NR6A1: variants seen among roughly 807,000 people sequenced by gnomAD.
NR6A1 encodes nuclear receptor subfamily 6 group A member 1.
NR6A1 carries 7 observed loss-of-function variants against 59.1 expected under a neutral mutation model. The observed-to-expected ratio is 0.12, with a 90% CI of 0.07 to 0.22. The LOEUF (loss-of-function observed/expected upper bound fraction) is 0.22, where lower values mean the gene tolerates loss of function less well. Among genes scored for constraint, NR6A1 ranks in the 10% least tolerant of loss-of-function variants. The pLI is 1.00. For synonymous variants in NR6A1, 243 were observed against 236.1 expected (o/e 1.03, Z -0.27); for missense variants, 468 against 611.6 (o/e 0.77, Z 2.48).
At chr9:124,746,712 A>G (rs1840345914) in intron 1 of NR6A1, among the ~76,000 whole-genome samples, 1 of 152,198 alleles carries the variant, frequency 6.6e-6, no homozygotes, top group Non-Finnish European at 1.5e-5. Context: ...TACAAAAGAT[A>G]CTCTACAAAA....
intron 2 of NR6A1, among the ~76,000 whole-genome samples, chr9:124,589,018 T>C (rs993034241): frequency 2.0e-5 from 3 of 151,652 alleles, no homozygotes; most frequent in African/African-American, 7.3e-5. Flanking sequence ...GGCCAGACTA[T>C]ATCCAGTGAC....
At chr9:124,595,856 G>A (rs181169712) in intron 2 of NR6A1, 45 of 1,282,086 alleles carry the variant, frequency 3.5e-5, no homozygotes, top group East Asian at 5.6e-5. Flanking sequence ...CTACCCTTCC[G>A]ACACTTGGTC....
intron 2 of NR6A1, among the ~76,000 whole-genome samples, chr9:124,596,711 G>T (rs902212330): frequency 6.6e-6 from 1 of 152,132 alleles, no homozygotes; most frequent in Non-Finnish European, 1.5e-5. Flanking sequence ...CCAGCAGCAC[G>T]CAGCAGAGTG....
At chr9:124,742,610 C>T (rs546123179) in intron 1 of NR6A1, among the ~76,000 whole-genome samples, 1 of 152,176 alleles carries the variant, frequency 6.6e-6, no homozygotes, top group East Asian at 1.9e-4. Context: ...GGCACTGTGG[C>T]TCACGCCTGT....
At chr9:124,684,280 A>G (rs1838260103) in intron 2 of NR6A1, among the ~76,000 whole-genome samples, 1 of 152,138 alleles carries the variant, frequency 6.6e-6, no homozygotes, top group Admixed American at 6.6e-5. Context: ...GTGTTCTCTA[A>G]GCTCTAACTC....
chr9:124,592,372 T>C (rs1468606614), intron 2 of NR6A1, among the ~76,000 whole-genome samples: 1 of 152,204 alleles, frequency 6.6e-6, no homozygotes, highest in Non-Finnish European at 1.5e-5. Flanking sequence ...TATTTGTATG[T>C]CCATGGAAAA....
At chr9:124,601,583 C>CAAA (rs11346749) in intron 2 of NR6A1, among the ~76,000 whole-genome samples, 50 of 89,998 alleles carry the variant, frequency 5.6e-4, no homozygotes, top group African/African-American at 1.9e-3. Context: ...GACTCTGTGT[C>CAAA]AAAAAAAAAA....
intron 8 of NR6A1, 59 bp from the exon 9 acceptor site, chr9:124,524,932 T>C (rs1832891890): frequency 6.6e-7 from 1 of 1,521,824 alleles, no homozygotes; most frequent in African/African-American, 1.4e-5. Context: ...CATTCTAATG[T>C]GGAAGAAACA....
chr9:124,709,949 A>G (rs1008218521), intron 2 of NR6A1, among the ~76,000 whole-genome samples: 1 of 151,568 alleles, frequency 6.6e-6, no homozygotes, highest in African/African-American at 2.4e-5. Context: ...CCATCTCGAA[A>G]AAAAAAAAAA....
intron 2 of NR6A1, among the ~76,000 whole-genome samples, chr9:124,630,803 C>T (rs1030048606): frequency 7.3e-5 from 11 of 151,632 alleles, no homozygotes; most frequent in East Asian, 1.9e-4. Flanking sequence ...CTCAGCCTCC[C>T]GAGTGGCTGG....
chr9:124,556,206 G>A (rs985988955), intron 2 of NR6A1, among the ~76,000 whole-genome samples: 4 of 152,160 alleles, frequency 2.6e-5, no homozygotes, highest in African/African-American at 9.7e-5. Flanking sequence ...GAATTATATG[G>A]GTGGGCCCGA....
At chr9:124,616,014 C>G (rs920743278) in intron 2 of NR6A1, among the ~76,000 whole-genome samples, 2 of 151,980 alleles carry the variant, frequency 1.3e-5, no homozygotes, top group African/African-American at 4.8e-5. Flanking sequence ...CGTGAGTCAC[C>G]ACGCCCAGCT....
At chr9:124,687,564 T>C (rs1838375852) in intron 2 of NR6A1, among the ~76,000 whole-genome samples, 1 of 152,206 alleles carries the variant, frequency 6.6e-6, no homozygotes, top group African/African-American at 2.4e-5. Flanking sequence ...GCAGACTAAA[T>C]ATAAGAATGA....
At chr9:124,673,802 C>A (rs1837869814) in intron 2 of NR6A1, among the ~76,000 whole-genome samples, 1 of 151,984 alleles carries the variant, frequency 6.6e-6, no homozygotes, top group South Asian at 2.1e-4. Flanking sequence ...ATTGTGAGCG[C>A]CTAAAGAAGA....
chr9:124,662,159 A>T (rs1176602774), intron 2 of NR6A1, among the ~76,000 whole-genome samples: 1 of 152,144 alleles, frequency 6.6e-6, no homozygotes, highest in African/African-American at 2.4e-5. Context: ...AGTTACAAAG[A>T]ATATTAGATA....
chr9:124,569,960 A>T (rs1054873562), intron 2 of NR6A1, among the ~76,000 whole-genome samples: 7 of 152,204 alleles, frequency 4.6e-5, no homozygotes, highest in African/African-American at 7.2e-5. Context: ...CTTACTGATC[A>T]CTAGTGTGAA....
intron 2 of NR6A1, among the ~76,000 whole-genome samples, chr9:124,711,639 T>C (rs1485431248): frequency 6.6e-6 from 1 of 152,150 alleles, no homozygotes; most frequent in Non-Finnish European, 1.5e-5. Context: ...TCAGATCCCC[T>C]TGCATTAAGG....
chr9:124,630,691 T>C (rs1836411548), intron 2 of NR6A1, among the ~76,000 whole-genome samples: 1 of 144,008 alleles, frequency 6.9e-6, no homozygotes, highest in Non-Finnish European at 1.5e-5. Flanking sequence ...TTTTTTTTTT[T>C]TTTTGAGACA....
At chr9:124,618,827 T>C (rs1835976747) in intron 2 of NR6A1, among the ~76,000 whole-genome samples, 1 of 152,216 alleles carries the variant, frequency 6.6e-6, no homozygotes, top group African/African-American at 2.4e-5. Context: ...TCATAATAAA[T>C]AATACAGCAT....
Sources: allele counts gnomAD v4.1 joint callset (sites outside exome capture counted in the v4.1 genomes callset), GRCh38; gene constraint gnomAD v4.1.1; transcripts MANE v1.5; gene names NCBI Gene and HGNC (gene_info 2026-07-23, HGNC 2026-07-21).